ARPP21: variants seen among roughly 807,000 people sequenced by gnomAD.
ARPP21 encodes the protein cAMP-regulated phosphoprotein 21.
In ARPP21, 69 loss-of-function variants were observed where a neutral mutation model predicts 113.2. The observed-to-expected ratio is 0.61, with a 90% confidence interval of 0.50 to 0.74. The LOEUF (loss-of-function observed/expected upper bound fraction) is 0.74, where lower values mean the gene tolerates loss of function less well. ARPP21 is among the 30% of genes least tolerant of loss of function. ARPP21 has a pLI of 0.00. For synonymous variants in ARPP21, 368 were observed against 375.5 expected (o/e 0.98, Z 0.23); for missense variants, 1,070 against 1,037.4 (o/e 1.03, Z -0.43).
At chr3:35,681,947 A>G (rs904425660) in intron 3 of ARPP21, 67 bp downstream of exon 3, 7 of 1,507,378 alleles carry the variant, frequency 4.6e-6, no homozygotes, top group Non-Finnish European at 6.3e-6. Flanking sequence ...TTATTTTCAG[A>G]ATACTTTAGA....
chr3:35,744,357 T>C (rs1221450311), intron 19 of ARPP21: 2 of 395,886 alleles, frequency 5.1e-6, no homozygotes, highest in Non-Finnish European at 9.8e-6. Context: ...AATATCGTGC[T>C]AAAAGATACT....
intron 4 of ARPP21, among the ~76,000 whole-genome samples, chr3:35,683,510 A>G (rs73059219): frequency 2.1e-4 from 32 of 151,750 alleles, no homozygotes; most frequent in Non-Finnish European, 3.1e-4. Context: ...TTTTTAATTT[A>G]TCTATTCACA....
chr3:35,758,976 T>G (rs2095666322), intron 19 of ARPP21, among the ~76,000 whole-genome samples: 1 of 152,070 alleles, frequency 6.6e-6, no homozygotes, highest in South Asian at 2.1e-4. Flanking sequence ...TTATTTCCAG[T>G]CTCTGAAATT....
At chr3:35,727,823 T>G (rs1230455286) in intron 14 of ARPP21, among the ~76,000 whole-genome samples, 1 of 152,200 alleles carries the variant, frequency 6.6e-6, no homozygotes, top group Non-Finnish European at 1.5e-5. Flanking sequence ...TTAAGGGTAC[T>G]GGGGTTGCTT....
At chr3:35,652,443 T>G (rs1426677403) in intron 1 of ARPP21, among the ~76,000 whole-genome samples, 1 of 152,108 alleles carries the variant, frequency 6.6e-6, no homozygotes, top group African/African-American at 2.4e-5. Flanking sequence ...TAAAAATCAC[T>G]GAAAACATTA....
intron 1 of ARPP21, among the ~76,000 whole-genome samples, chr3:35,661,210 A>C (rs1250233444): frequency 6.6e-6 from 1 of 152,176 alleles, no homozygotes; most frequent in Non-Finnish European, 1.5e-5. Flanking sequence ...TTAAATACAA[A>C]TCTCAGCCTT....
intron 19 of ARPP21, among the ~76,000 whole-genome samples, chr3:35,788,733 A>G (rs2096682496): frequency 1.3e-5 from 2 of 152,216 alleles, no homozygotes. Flanking sequence ...ATCAATTTAC[A>G]TTCTAATTGT....
chr3:35,780,682 T>A (rs2151722269), intron 19 of ARPP21, among the ~76,000 whole-genome samples: 1 of 152,150 alleles, frequency 6.6e-6, no homozygotes, highest in Non-Finnish European at 1.5e-5. Context: ...ACAAGAAGCA[T>A]CAGCATCACC....
At chr3:35,753,705 G>A (rs539429081) in intron 19 of ARPP21, among the ~76,000 whole-genome samples, 24 of 152,078 alleles carry the variant, frequency 1.6e-4, no homozygotes, top group African/African-American at 5.8e-4. Flanking sequence ...TCAATAAATA[G>A]TAACGTGTTT....
At chr3:35,696,622 T>C (rs1340485625) in intron 9 of ARPP21, among the ~76,000 whole-genome samples, 3 of 151,502 alleles carry the variant, frequency 2.0e-5, no homozygotes, top group Non-Finnish European at 4.4e-5. Context: ...TTTATGGAAT[T>C]TTTTGTCAGC....
chr3:35,644,949 G>A (rs1402652142), intron 1 of ARPP21, among the ~76,000 whole-genome samples: 3 of 151,704 alleles, frequency 2.0e-5, no homozygotes, highest in Admixed American at 1.3e-4. Flanking sequence ...TTTTGTATAC[G>A]TTTTGTAATA....
chr3:35,743,267 A>G (rs919426209), intron 18 of ARPP21, among the ~76,000 whole-genome samples: 1 of 152,232 alleles, frequency 6.6e-6, no homozygotes, highest in African/African-American at 2.4e-5. Context: ...GTTGTTGATG[A>G]TAACTGTTTC....
chr3:35,769,664 G>C (rs1408381278), intron 19 of ARPP21, among the ~76,000 whole-genome samples: 2 of 152,184 alleles, frequency 1.3e-5, no homozygotes, highest in East Asian at 3.9e-4. Flanking sequence ...TCAGACTGCA[G>C]TTTTGATCTT....
chr3:35,681,542 T>G, intron 2 of ARPP21, 172 bp from the exon 3 acceptor site: 1 of 525,870 alleles, frequency 1.9e-6, no homozygotes, highest in Non-Finnish European at 3.4e-6. Context: ...CAACTGCATC[T>G]GCCTCTTGTG....
intron 2 of ARPP21, chr3:35,680,755 TCTCCCCCTCTTCCTTC>T (rs1345658045): frequency 6.6e-6 from 1 of 151,754 alleles, no homozygotes; most frequent in East Asian, 2.0e-4. Context: ...TTCTTCTCTC[TCTCCCCCTCTTCCTTC>T]CTCCTCCTCC....
Position 35,780,685 on chromosome 3 carries a change from G to T in ARPP21, c.2138-11697G>T, listed in dbSNP as rs952740529. Among the ~76,000 whole-genome samples the T allele has an allele frequency of 6.6e-5, 10 of 152,208 alleles. No homozygotes were observed. In the East Asian group the frequency reaches 1.9e-3, roughly 29 times the overall value. On this transcript the variant is annotated intron_variant, in intron 19 of 20. Transcript: ENST00000684406. Reference sequence around the variant, plus strand: ...TGTGGTACCCAGACAAGAAGCATCAGCATCACCTGGGAACCTGTCAGAAAT... The same window carrying T: ...TGTGGTACCCAGACAAGAAGCATCATCATCACCTGGGAACCTGTCAGAAAT...
Sources: allele counts gnomAD v4.1 joint callset (sites outside exome capture counted in the v4.1 genomes callset), GRCh38; gene constraint gnomAD v4.1.1; transcripts MANE v1.5; gene names NCBI Gene and HGNC (gene_info 2026-07-23, HGNC 2026-07-21).